The following NLGN1 variants were observed in gnomAD, a reference collection of about 807,000 sequenced individuals.
The protein encoded by NLGN1 is neuroligin-1.
NLGN1 carries 12 observed loss-of-function variants against 65.5 expected under a neutral mutation model. The observed-to-expected ratio is 0.18, with a 90% CI of 0.12 to 0.30. The LOEUF (loss-of-function observed/expected upper bound fraction) is 0.30. Ranked by LOEUF, NLGN1 falls within the 10% of genes least tolerant of loss-of-function variation. The pLI is 1.00. For synonymous variants in NLGN1, 350 were observed against 359.5 expected (o/e 0.97, Z 0.30); for missense variants, 750 against 1,007.1 (o/e 0.74, Z 3.46).
chr3:173,610,111 A>G (rs1289636462), intron 3 of NLGN1, among the ~76,000 whole-genome samples: 2 of 151,932 alleles, frequency 1.3e-5, no homozygotes, highest in African/African-American at 2.4e-5. Flanking sequence ...AGACTTGGTC[A>G]TGGTCCAGGC....
downstream of NLGN1, among the ~76,000 whole-genome samples, chr3:174,289,447 G>T (rs1482072047): frequency 2.0e-5 from 3 of 151,234 alleles, no homozygotes; most frequent in African/African-American, 7.3e-5. Flanking sequence ...CAGCACAAAA[G>T]ACACAATCAG....
intron 4 of NLGN1, among the ~76,000 whole-genome samples, chr3:173,871,278 G>A (rs2150868955): frequency 6.6e-6 from 1 of 152,190 alleles, no homozygotes; most frequent in South Asian, 2.1e-4. Flanking sequence ...ACTTTATAAT[G>A]AACCAGTAGA....
intron 4 of NLGN1, among the ~76,000 whole-genome samples, chr3:174,080,593 A>T (rs987311159): frequency 2.8e-4 from 42 of 151,978 alleles, no homozygotes; most frequent in Non-Finnish European, 7.4e-5. Flanking sequence ...AGTGTGTTTA[A>T]TGGAGTCGTA....
chr3:174,211,884 A>G (rs1477594837), intron 4 of NLGN1, among the ~76,000 whole-genome samples: 1 of 152,246 alleles, frequency 6.6e-6, no homozygotes, highest in African/African-American at 2.4e-5. Context: ...CATCCCCACC[A>G]GACTCAGGAG....
chr3:173,973,122 A>G (rs888296839), intron 4 of NLGN1, among the ~76,000 whole-genome samples: 5 of 152,170 alleles, frequency 3.3e-5, no homozygotes, highest in African/African-American at 9.6e-5. Context: ...GTATTCTTGT[A>G]AAGTCTATAT....
At chr3:173,580,486 AT>A (rs1166831376) in intron 2 of NLGN1, among the ~76,000 whole-genome samples, 2 of 152,004 alleles carry the variant, frequency 1.3e-5, no homozygotes, top group Non-Finnish European at 2.9e-5. Context: ...GATTCTCTTC[AT>A]TAGAGAATTT....
intron 3 of NLGN1, among the ~76,000 whole-genome samples, chr3:173,697,532 TTTC>T (rs1766400445): frequency 6.6e-6 from 1 of 152,064 alleles, no homozygotes; most frequent in East Asian, 1.9e-4. Context: ...AGAGAAAGAT[TTTC>T]TTTTTTTTTT....
chr3:174,212,199 G>A (rs1231505773), intron 4 of NLGN1, among the ~76,000 whole-genome samples: 1 of 152,218 alleles, frequency 6.6e-6, no homozygotes, highest in Non-Finnish European at 1.5e-5. Flanking sequence ...TACACCCTCC[G>A]CAGCTGCTGG....
chr3:173,739,614 G>T (rs1007101210), intron 3 of NLGN1, among the ~76,000 whole-genome samples: 4 of 151,980 alleles, frequency 2.6e-5, no homozygotes, highest in South Asian at 2.1e-4. Context: ...TCAGGGAAAG[G>T]TTTCTAGAGA....
chr3:173,951,717 T>C (rs555924343), intron 4 of NLGN1, among the ~76,000 whole-genome samples: 61 of 152,196 alleles, frequency 4.0e-4, no homozygotes, highest in African/African-American at 1.4e-3. Flanking sequence ...CACCTCGACC[T>C]CCCAAAGTGC....
chr3:173,680,118 A>G (rs7652115), intron 3 of NLGN1, among the ~76,000 whole-genome samples: 6,560 of 152,216 alleles, frequency 0.043, 178 homozygotes, highest in African/African-American at 0.06. Flanking sequence ...GAGGGTAGAA[A>G]TATTTTATTC....
At chr3:174,272,583 T>C (rs929340451) in intron 4 of NLGN1, among the ~76,000 whole-genome samples, 1 of 151,580 alleles carries the variant, frequency 6.6e-6, no homozygotes, top group Non-Finnish European at 1.5e-5. Flanking sequence ...CAGTTTTTCC[T>C]AATATAAAAC....
At chr3:173,941,793 A>G (rs1050976338) in intron 4 of NLGN1, among the ~76,000 whole-genome samples, 1 of 152,048 alleles carries the variant, frequency 6.6e-6, no homozygotes, top group African/African-American at 2.4e-5. Context: ...TTATTCAGGA[A>G]CTAACTATGC....
chr3:174,160,897 A>G (rs1174641596), intron 4 of NLGN1, among the ~76,000 whole-genome samples: 2 of 151,296 alleles, frequency 1.3e-5, no homozygotes, highest in Non-Finnish European at 3.0e-5. Context: ...ATTTTTTTGT[A>G]CCCATGAACC....
Position 173,899,429 on chromosome 3 carries a change from C to G in NLGN1, c.646+91597C>G, listed in dbSNP as rs537101748. ...CTTTATCATTGAGAACATAGATAAA[C>G]CTTGGCAATTTTTTAAACCAATTCT... On this transcript the variant is annotated intron_variant, in intron 4 of 6. Coordinates refer to ENST00000457714, the Ensembl canonical transcript of NLGN1. Among the ~76,000 whole-genome samples the G allele has an allele frequency of 3.9e-5, 6 of 152,112 alleles. No individual in the cohort carries two copies. The East Asian group carries it at 1.2e-3, about 29-fold the overall frequency.
chr3:173,430,555 C>T (rs1241434790), intron 1 of NLGN1, among the ~76,000 whole-genome samples: 2 of 152,190 alleles, frequency 1.3e-5, no homozygotes, highest in African/African-American at 4.8e-5. Context: ...TGGTATCTGC[C>T]AGCCTTCTCC....
intron 4 of NLGN1, among the ~76,000 whole-genome samples, chr3:173,906,718 A>G (rs1343097525): frequency 1.3e-5 from 2 of 151,938 alleles, no homozygotes; most frequent in Non-Finnish European, 2.9e-5. Context: ...CAGGCATAGT[A>G]GGTGCACCCG....
chr3:174,284,512 A>G (rs1357757318), exon 7 of NLGN1: 1 of 151,396 alleles, frequency 6.6e-6, no homozygotes. Context: ...AATTAGGCAA[A>G]GCTGCTTATA....
chr3:174,109,595 C>G (rs1159605838), intron 4 of NLGN1, among the ~76,000 whole-genome samples: 1 of 151,898 alleles, frequency 6.6e-6, no homozygotes, highest in East Asian at 1.9e-4. Flanking sequence ...CTATATCTGA[C>G]CTTATAACTC....
Sources: gnomAD v4.1 joint callset for allele counts (sites outside exome capture counted in the v4.1 genomes callset) on GRCh38, gnomAD v4.1.1 for gene constraint, MANE v1.5 for transcripts, NCBI Gene and HGNC (gene_info 2026-07-23, HGNC 2026-07-21) for gene names.